ICE2: variants seen among roughly 807,000 people sequenced by gnomAD.
ICE2 encodes interactor of little elongation complex ELL subunit 2.
ICE2 carries 87 observed loss-of-function variants against 105.4 expected under a neutral mutation model. The observed-to-expected ratio is 0.83, with a 90% confidence interval of 0.69 to 0.99. The LOEUF (loss-of-function observed/expected upper bound fraction) is 0.99, where lower values mean the gene tolerates loss of function less well. Among genes scored for constraint, ICE2 ranks in the 50% least tolerant of loss-of-function variants. ICE2 has a pLI of 0.00. For missense variants in ICE2, 1,323 were observed against 1,146.7 expected (o/e 1.15, Z -2.22); for synonymous variants, 399 against 392.0 (o/e 1.02, Z -0.21).
intron 4 of ICE2, among the ~76,000 whole-genome samples, chr15:60,467,331 C>A (rs561087082): frequency 1.3e-5 from 2 of 151,914 alleles, no homozygotes; most frequent in South Asian, 4.2e-4. Flanking sequence ...GGCAAGTTAC[C>A]AAAGAAAAAA....
chr15:60,427,867 A>C (rs1566966710), intron 15 of ICE2, among the ~76,000 whole-genome samples: 1 of 152,214 alleles, frequency 6.6e-6, no homozygotes, highest in Non-Finnish European at 1.5e-5. Context: ...GGTTCTATAA[A>C]GAGAGTAATG....
rs2063261748 is a variant in ICE2 at position 60,422,990 on chromosome 15, C to CA, written c.*643dup. On this transcript the variant is annotated 3_prime_UTR_variant, in exon 16 of 16. Coordinates refer to ENST00000261520, the MANE Select transcript of ICE2 (RefSeq NM_024611.6). Reference sequence around the variant, plus strand: ...ATCTAGAGATAGAGGCATCTGTCATCAAACATGTTATACCACCAAATTTTT... The same window carrying CA: ...ATCTAGAGATAGAGGCATCTGTCATCAAAACATGTTATACCACCAAATTTTT... 1 of 152,606 alleles carries CA rather than the reference C, an allele frequency of 6.6e-6. No homozygotes were observed. Among genetic ancestry groups the CA allele is most frequent in the Non-Finnish European group, 1.5e-5 (1 of 68,042 alleles). 9.5% of individuals were successfully genotyped at this position (152,606 alleles called of 1,614,324 possible).
At chr15:60,472,486 T>G (rs919300256) in intron 3 of ICE2, among the ~76,000 whole-genome samples, 2 of 152,204 alleles carry the variant, frequency 1.3e-5, no homozygotes, top group Admixed American at 6.5e-5. Context: ...TATCAATAAC[T>G]TGTGTATTTT....
intron 4 of ICE2, 106 bp downstream of exon 4, chr15:60,467,944 TTACGTTTTCCA>T: frequency 1.1e-6 from 1 of 946,528 alleles, no homozygotes; most frequent in Non-Finnish European, 1.5e-6. Context: ...CTCAATCTCC[TTACGTTTTCCA>T]TTTTAAAAAA....
intron 15 of ICE2, among the ~76,000 whole-genome samples, chr15:60,425,178 G>C (rs547858391): frequency 7.2e-5 from 11 of 152,048 alleles, no homozygotes; most frequent in African/African-American, 2.7e-4. Flanking sequence ...CCTTTAAAAA[G>C]CATTTTTTTT....
Position 60,453,600 on chromosome 15 carries a change from TA to T in ICE2, c.1125+2del. 6.2e-7 allele frequency: 1 copy of T among 1,612,716 alleles called. No homozygotes were observed. Among genetic ancestry groups the T allele is most frequent in the Non-Finnish European group, 8.5e-7 (1 of 1,179,330 alleles). ...CTTAGGGGAAAAAAAAAGCATTACA[TA>T]CGTCCATTTCAGATATAAACTCTTC... On this transcript the variant is annotated splice_donor_variant, in intron 9 of 15. Coordinates refer to ENST00000261520, the MANE Select transcript of ICE2 (RefSeq NM_024611.6). LOFTEE classifies it high-confidence loss of function.
At chr15:60,451,572 T>G in intron 9 of ICE2, 1 of 984,332 alleles carries the variant, frequency 1.0e-6, no homozygotes, top group African/African-American at 1.7e-5. Context: ...GTATAATAAT[T>G]TGAGGCAAAA....
chr15:60,440,801 C>G (rs1200923508), intron 12 of ICE2: 1 of 152,072 alleles, frequency 6.6e-6, no homozygotes, highest in African/African-American at 2.4e-5. Context: ...AAACCCCGAA[C>G]AAACCAAAAT....
chr15:60,424,370 G>C (rs2063293577), intron 15 of ICE2, among the ~76,000 whole-genome samples: 1 of 83,400 alleles, frequency 1.2e-5, no homozygotes, highest in African/African-American at 4.3e-5. Flanking sequence ...AGGAGAGCAA[G>C]AAAGAAATAA....
intron 1 of ICE2, 24 bp from the exon 2 acceptor site, chr15:60,478,093 A>T: frequency 1.1e-6 from 1 of 918,754 alleles, no homozygotes; most frequent in Non-Finnish European, 1.8e-6. Flanking sequence ...AAAGGCCAAG[A>T]TCAAAAGCAA....
Position 60,455,033 on chromosome 15 carries a change from G to A in ICE2, c.913C>T (p.Pro305Ser). 2 of 1,574,170 alleles carry A rather than the reference G, an allele frequency of 1.3e-6. No individual in the cohort carries two copies. Among genetic ancestry groups the A allele is most frequent in the Non-Finnish European group, 1.7e-6 (2 of 1,167,726 alleles). The part of the protein sequence containing the change: ...GPTYKEQWEI[P>S]VCIQVIPVAG... Reference sequence around the variant, plus strand: ...ACAGGTATTACTTGAATACACACTGGAATTTCCCACTGTTCCTTGTACGTT... The same window carrying A: ...ACAGGTATTACTTGAATACACACTGAAATTTCCCACTGTTCCTTGTACGTT... Residue 305 changes from proline (P) to serine (S), a missense_variant, in exon 8 of 16, where the codon CCA becomes TCA. By Grantham distance (74) the Pro-to-Ser change is moderately conservative. Transcript: ENST00000261520.
chr15:60,431,317 T>A (rs182133633), intron 14 of ICE2, among the ~76,000 whole-genome samples: 18 of 152,256 alleles, frequency 1.2e-4, no homozygotes, highest in Non-Finnish European at 1.8e-4. Flanking sequence ...GCAGGTGTGA[T>A]TAAATTAAGG....
chr15:60,447,907 G>C (rs1595774764), intron 11 of ICE2, 63 bp downstream of exon 11: 2 of 1,278,268 alleles, frequency 1.6e-6, no homozygotes, highest in East Asian at 4.7e-5. Context: ...CACAGTAATG[G>C]CATGTTAAGT....
intron 5 of ICE2, among the ~76,000 whole-genome samples, chr15:60,465,840 C>T (rs887830605): frequency 2.6e-5 from 4 of 151,302 alleles, no homozygotes; most frequent in African/African-American, 9.7e-5. Context: ...AAACCTCCAC[C>T]TCCCGGGTTC....
chr15:60,419,909 A>G lies in ICE2; in HGVS notation c.*3725T>C, dbSNP rs2063225590. On this transcript the variant is annotated 3_prime_UTR_variant, in exon 16 of 16. Transcript: ENST00000261520. ...AAAATATGTTCACAAATTCTTTCCA[A>G]ACTTCTCCCTTCAAGGGTGGAGCTT... 6.6e-6 allele frequency: 1 copy of G among 152,198 alleles called. No individual in the cohort carries two copies. Among genetic ancestry groups the G allele is most frequent in the Non-Finnish European group, 1.5e-5 (1 of 68,038 alleles). 9.4% of individuals were successfully genotyped at this position (152,198 alleles called of 1,614,324 possible).
chr15:60,465,200 T>C (rs903057035), intron 5 of ICE2, among the ~76,000 whole-genome samples: 1 of 152,064 alleles, frequency 6.6e-6, no homozygotes, highest in Non-Finnish European at 1.5e-5. Context: ...TTTTTTTCCT[T>C]CCTTTTTCTG....
chr15:60,447,105 T>C (rs1244334842), intron 11 of ICE2, among the ~76,000 whole-genome samples: 2 of 152,156 alleles, frequency 1.3e-5, no homozygotes, highest in African/African-American at 2.4e-5. Context: ...ACATTTTTTT[T>C]CCTGAGGAAA....
intron 12 of ICE2, among the ~76,000 whole-genome samples, chr15:60,436,828 AC>A (rs1566975047): frequency 6.6e-6 from 1 of 151,976 alleles, no homozygotes; most frequent in Non-Finnish European, 1.5e-5. Flanking sequence ...TTATGTTAAT[AC>A]ATATTAACAT....
intron 13 of ICE2, among the ~76,000 whole-genome samples, chr15:60,435,042 G>C (rs1279455042): frequency 6.6e-6 from 1 of 152,160 alleles, no homozygotes; most frequent in East Asian, 1.9e-4. Context: ...TCAGCACTTG[G>C]GAGGCCGAGG....
Sources: gnomAD v4.1 joint callset for allele counts (sites outside exome capture counted in the v4.1 genomes callset) on GRCh38, gnomAD v4.1.1 for gene constraint, MANE v1.5 for transcripts, NCBI Gene and HGNC (gene_info 2026-07-23, HGNC 2026-07-21) for gene names.